EPHA3: variants seen among roughly 807,000 people sequenced by gnomAD.
EPHA3 encodes EPH receptor A3.
In EPHA3, 42 loss-of-function variants were observed where a neutral mutation model predicts 107.1. That is an observed-to-expected ratio of 0.39 (90% confidence interval 0.31 to 0.51). The LOEUF is 0.51. EPHA3 is among the 20% of genes least tolerant of loss of function. The probability of loss-of-function intolerance (pLI) is 0.78; values close to 1 mark genes in which losing one functional copy is unlikely to be tolerated. For missense variants in EPHA3, 1,183 were observed against 1,211.2 expected (o/e 0.98, Z 0.35); for synonymous variants, 461 against 424.8 (o/e 1.09, Z -1.05).
chr3:89,254,428 A>G (rs558894087), intron 3 of EPHA3, among the ~76,000 whole-genome samples: 2 of 152,270 alleles, frequency 1.3e-5, no homozygotes, highest in South Asian at 4.1e-4. Context: ...TGTCTAATAA[A>G]TCCTGGAATT....
At chr3:89,205,894 A>T (rs1192059239) in intron 2 of EPHA3, among the ~76,000 whole-genome samples, 1 of 152,080 alleles carries the variant, frequency 6.6e-6, no homozygotes, top group African/African-American at 2.4e-5. Flanking sequence ...AATATTATAC[A>T]TTAGTTCTTA....
At chr3:89,374,037 G>A (rs764189545) in intron 5 of EPHA3, among the ~76,000 whole-genome samples, 9 of 151,462 alleles carry the variant, frequency 5.9e-5, no homozygotes, top group African/African-American at 1.7e-4. Flanking sequence ...ATGAGTTTCC[G>A]AACTAAAATT....
At chr3:89,192,765 G>A (rs1705750092) in intron 2 of EPHA3, among the ~76,000 whole-genome samples, 2 of 151,986 alleles carry the variant, frequency 1.3e-5, no homozygotes, top group African/African-American at 4.8e-5. Flanking sequence ...GTGTCATAAA[G>A]CTCTAGAAGC....
chr3:89,303,777 T>G (rs1184254974), intron 3 of EPHA3, among the ~76,000 whole-genome samples: 1 of 152,134 alleles, frequency 6.6e-6, no homozygotes, highest in Non-Finnish European at 1.5e-5. Context: ...GAAATGGAAT[T>G]CTCACACCAG....
At chr3:89,200,502 C>T (rs1281244902) in intron 2 of EPHA3, among the ~76,000 whole-genome samples, 2 of 152,106 alleles carry the variant, frequency 1.3e-5, no homozygotes, top group African/African-American at 4.8e-5. Context: ...CATGGTCTTG[C>T]TAAAGCTCTT....
intron 3 of EPHA3, among the ~76,000 whole-genome samples, chr3:89,318,689 CT>C (rs967612045): frequency 6.6e-6 from 1 of 151,842 alleles, no homozygotes; most frequent in African/African-American, 2.4e-5. Flanking sequence ...AATTGTAGAA[CT>C]TTTGCTTATG....
intron 3 of EPHA3, among the ~76,000 whole-genome samples, chr3:89,230,019 TAA>T (rs770692537): frequency 4.1e-4 from 62 of 152,248 alleles, no homozygotes; most frequent in Admixed American, 2.6e-4. Flanking sequence ...TTGAAATATA[TAA>T]GTCAGTATGT....
At chr3:89,238,824 C>T (rs1376792394) in intron 3 of EPHA3, among the ~76,000 whole-genome samples, 2 of 152,092 alleles carry the variant, frequency 1.3e-5, no homozygotes, top group African/African-American at 4.8e-5. Context: ...AATTAAACTA[C>T]TCATAGTGTT....
intron 3 of EPHA3, among the ~76,000 whole-genome samples, chr3:89,239,884 G>C (rs1444111848): frequency 6.6e-6 from 1 of 152,140 alleles, no homozygotes; most frequent in Non-Finnish European, 1.5e-5. Flanking sequence ...TTGAGGTAGT[G>C]CAAAATTAAA....
intron 3 of EPHA3, among the ~76,000 whole-genome samples, chr3:89,261,124 T>C (rs1705405219): frequency 6.6e-6 from 1 of 152,246 alleles, no homozygotes; most frequent in South Asian, 2.1e-4. Flanking sequence ...TTATGGTATT[T>C]GCTATTAGAC....
rs1710588606 is a variant in EPHA3 at position 89,479,741 on chromosome 3, A to T, written c.*239A>T. 2.3e-6 allele frequency: 1 copy of T among 433,384 alleles called. No homozygotes were observed. The highest frequency in any genetic ancestry group is 4.1e-6 in the Non-Finnish European group (1 of 241,442). The allele number at this position is 433,384 out of a possible 1,614,324, so 26.8% of individuals were successfully genotyped here. A position where few individuals can be genotyped will look rare whatever the true frequency, so the allele number is the denominator to read the frequency against. ...TGCTTTTTTAAATATTAGTTAATGG[A>T]TTAAATTTAATTCTTCAGCGTAAAA... is the stretch of plus-strand genomic sequence containing the variant. On this transcript the variant is annotated 3_prime_UTR_variant, in exon 17 of 17. Coordinates refer to ENST00000336596, the MANE Select transcript of EPHA3 (RefSeq NM_005233.6).
At chr3:89,214,979 C>G (rs553759355) in intron 3 of EPHA3, among the ~76,000 whole-genome samples, 8 of 151,958 alleles carry the variant, frequency 5.3e-5, no homozygotes, top group Admixed American at 5.2e-4. Flanking sequence ...AACATTCCTT[C>G]TATAAAAGAC....
chr3:89,166,927 G>T (rs891673159), intron 2 of EPHA3, among the ~76,000 whole-genome samples: 13 of 152,080 alleles, frequency 8.5e-5, no homozygotes, highest in Admixed American at 7.9e-4. Flanking sequence ...GTTGAGTGGG[G>T]TCTTTATCTG....
intron 11 of EPHA3, among the ~76,000 whole-genome samples, chr3:89,426,440 T>C (rs547623998): frequency 8.9e-4 from 135 of 151,936 alleles, no homozygotes; most frequent in African/African-American, 3.0e-3. Flanking sequence ...ATTTGCAGAA[T>C]CTTTGAACGT....
intron 3 of EPHA3, among the ~76,000 whole-genome samples, chr3:89,274,552 G>T (rs1705759037): frequency 6.6e-6 from 1 of 151,882 alleles, no homozygotes; most frequent in Non-Finnish European, 1.5e-5. Flanking sequence ...TCATCTGAAA[G>T]CCATAGATTT....
intron 5 of EPHA3, among the ~76,000 whole-genome samples, chr3:89,343,715 T>C (rs959266841): frequency 2.0e-5 from 3 of 152,208 alleles, no homozygotes; most frequent in Non-Finnish European, 4.4e-5. Context: ...TTTACATTCC[T>C]CATGATGATA....
chr3:89,314,318 C>T (rs1321488356), intron 3 of EPHA3, among the ~76,000 whole-genome samples: 1 of 151,854 alleles, frequency 6.6e-6, no homozygotes, highest in Non-Finnish European at 1.5e-5. Context: ...TGTTTCTTCT[C>T]ATAGTGATGT....
intron 3 of EPHA3, among the ~76,000 whole-genome samples, chr3:89,330,382 TA>T: frequency 6.6e-6 from 1 of 152,242 alleles, no homozygotes; most frequent in South Asian, 2.1e-4. Context: ...TATGTGATAA[TA>T]AAAATCCAAT....
At chr3:89,407,177 TATTA>T in intron 7 of EPHA3, 88 bp from the exon 8 acceptor site, 2 of 849,456 alleles carry the variant, frequency 2.4e-6, no homozygotes, top group Non-Finnish European at 3.9e-6. Flanking sequence ...GTAGAACACA[TATTA>T]ATTAATTAAT....
Sources: allele counts gnomAD v4.1 joint callset (sites outside exome capture counted in the v4.1 genomes callset), GRCh38; gene constraint gnomAD v4.1.1; transcripts MANE v1.5; gene names NCBI Gene and HGNC (gene_info 2026-07-23, HGNC 2026-07-21).